Variants in MIPOL1 observed in about 807,000 individuals in gnomAD.
MIPOL1 encodes mirror-image polydactyly 1, also known as mirror-image polydactyly gene 1 protein.
Under a neutral mutation model 60.9 loss-of-function variants are expected in MIPOL1, and 57 were observed. The ratio of observed to expected loss-of-function variants is 0.94; its 90% confidence interval spans 0.76 to 1.17. The LOEUF is 1.17. Ranked by LOEUF, MIPOL1 falls within the 50% of genes most tolerant of loss-of-function variation. MIPOL1 has a pLI of 0.00. For synonymous variants in MIPOL1, 179 were observed against 168.8 expected, an observed-to-expected ratio of 1.06 and a Z score of -0.47; for missense variants, 551 against 511.6, an observed-to-expected ratio of 1.08 and a Z score of -0.74.
chr14:37,211,186 AC>A (rs979409893), intron 1 of MIPOL1, among the ~76,000 whole-genome samples: 1 of 62,696 alleles, frequency 1.6e-5, no homozygotes, highest in African/African-American at 6.2e-5. Context: ...TCCACTGCCC[AC>A]CCCCCCACCC....
At chr14:37,326,759 G>T (rs1425524628) in intron 9 of MIPOL1, among the ~76,000 whole-genome samples, 3 of 152,160 alleles carry the variant, frequency 2.0e-5, no homozygotes, top group African/African-American at 7.2e-5. Flanking sequence ...GGGGAAACAG[G>T]CTGACTGGTA....
intron 9 of MIPOL1, among the ~76,000 whole-genome samples, chr14:37,357,189 T>C (rs898313632): frequency 6.6e-6 from 1 of 152,206 alleles, no homozygotes; most frequent in Non-Finnish European, 1.5e-5. Flanking sequence ...TCCAAAATTT[T>C]CTCCATAGTG....
rs200288202 is a variant in MIPOL1 at position 37,337,349 on chromosome 14, TATATATA to T, written c.828+28831_828+28837del. The stretch of plus-strand genomic sequence containing the variant: ...AAACATATATATATATATATATATA[TATATATA>T]TTTTTTTTTTTTTTTTTTTTTTTTT... On this transcript the variant is annotated intron_variant, in intron 9 of 12. Coordinates refer to ENST00000684589, the MANE Select transcript of MIPOL1 (RefSeq NM_001388067.1). 1.8e-3 allele frequency among the ~76,000 whole-genome samples: 73 copies of T among 39,610 alleles called. 4 individuals carry two copies. Among genetic ancestry groups the T allele is most frequent in the Admixed American group, 2.7e-3 (7 of 2,566 alleles). The allele number at this position is 39,610 out of a possible 152,430, so 26.0% of individuals were successfully genotyped here. A position where few individuals can be genotyped will look rare whatever the true frequency, so the allele number is the denominator to read the frequency against.
chr14:37,418,094 T>A (rs1664612529), intron 10 of MIPOL1, among the ~76,000 whole-genome samples: 1 of 152,214 alleles, frequency 6.6e-6, no homozygotes, highest in African/African-American at 2.4e-5. Flanking sequence ...TAACATCAGA[T>A]GTCTCTGTTC....
At chr14:37,423,672 C>G (rs2093914188) in intron 11 of MIPOL1, 1 of 151,998 alleles carries the variant, frequency 6.6e-6, no homozygotes, top group Non-Finnish European at 1.5e-5. Flanking sequence ...AAAAAATCCT[C>G]AAGTCTGAAA....
At position 37,527,758 on chromosome 14, in the gene MIPOL1, A is replaced by G. The variant is rs1325430909; in HGVS notation, c.1263-19147A>G. ...CCTTGACTTATGATGTTAGAAAAGAACAATAAAATAACATCTTTGTATACC... is the reference window on the plus strand; with the variant it reads ...CCTTGACTTATGATGTTAGAAAAGAGCAATAAAATAACATCTTTGTATACC... On this transcript the variant is annotated intron_variant, in intron 12 of 12. Transcript: ENST00000684589. 4.6e-5 allele frequency among the ~76,000 whole-genome samples: 7 copies of G among 152,256 alleles called. No individual in the cohort carries two copies. The South Asian group carries it at 1.2e-3, about 27-fold the overall frequency.
chr14:37,332,393 T>G (rs1316730491), intron 9 of MIPOL1, among the ~76,000 whole-genome samples: 1 of 152,212 alleles, frequency 6.6e-6, no homozygotes, highest in Non-Finnish European at 1.5e-5. Flanking sequence ...CATCCTTGCA[T>G]CCCTGAGATT....
At position 37,549,324 on chromosome 14, in the gene MIPOL1, TTGA is replaced by T. The variant is rs1363517777; in HGVS notation, c.*2358_*2360del. On this transcript the variant is annotated 3_prime_UTR_variant, in exon 13 of 13. Transcript: ENST00000684589. The stretch of plus-strand genomic sequence containing the variant: ...ATGCTAATACTAACATTTGTAGCAC[TTGA>T]TGATTTACAAAGTCCTTTTACATCT... 2 of 151,922 alleles carry T rather than the reference TTGA, an allele frequency of 1.3e-5. No individual in the cohort carries two copies. Among genetic ancestry groups the T allele is most frequent in the African/African-American group, 4.8e-5 (2 of 41,428 alleles). The allele number at this position is 151,922 out of a possible 1,614,324, so 9.4% of individuals were successfully genotyped here.
chr14:37,206,138 T>G (rs1244590793), intron 1 of MIPOL1, among the ~76,000 whole-genome samples: 1 of 152,134 alleles, frequency 6.6e-6, no homozygotes, highest in Non-Finnish European at 1.5e-5. Context: ...GAGGTCTTCA[T>G]GGCAGCCCCT....
intron 3 of MIPOL1, among the ~76,000 whole-genome samples, chr14:37,264,474 T>A: frequency 6.7e-6 from 1 of 149,458 alleles, no homozygotes; most frequent in South Asian, 2.1e-4. Flanking sequence ...AAAAAAAAAA[T>A]TAGTGAGGCA....
intron 10 of MIPOL1, among the ~76,000 whole-genome samples, chr14:37,395,394 T>C (rs1320369344): frequency 6.6e-6 from 1 of 152,180 alleles, no homozygotes; most frequent in African/African-American, 2.4e-5. Context: ...TGGGATGTGT[T>C]TTCATTTGTT....
chr14:37,548,398 A>G lies in MIPOL1; in HGVS notation c.*1427A>G, dbSNP rs1218947746. The G allele has an allele frequency of 6.6e-6, 1 of 152,034 alleles. No individual in the cohort carries two copies. The highest frequency in any genetic ancestry group is 2.4e-5 in the African/African-American group (1 of 41,452). 9.4% of individuals were successfully genotyped at this position (152,034 alleles called of 1,614,324 possible). A position where few individuals can be genotyped will look rare whatever the true frequency, so the allele number is the denominator to read the frequency against. Reference sequence around the variant, plus strand: ...TTTCTTCCTTATTAAATCTGTATCCATTAAAGTAACTTTTTTAACTATGAG... The same window carrying G: ...TTTCTTCCTTATTAAATCTGTATCCGTTAAAGTAACTTTTTTAACTATGAG... On this transcript the variant is annotated 3_prime_UTR_variant, in exon 13 of 13. Transcript: ENST00000684589.
Position 37,274,585 on chromosome 14 carries a change from G to T in MIPOL1, c.493+4060G>T, listed in dbSNP as rs538295682. Among the ~76,000 whole-genome samples, 9 of 151,310 alleles carry T rather than the reference G, an allele frequency of 5.9e-5. No individual in the cohort carries two copies. In the South Asian group the frequency reaches 1.0e-3, roughly 17 times the overall value. On this transcript the variant is annotated intron_variant, in intron 6 of 12. Coordinates refer to ENST00000684589, the MANE Select transcript of MIPOL1 (RefSeq NM_001388067.1). ...GATTTGGGATCTCAGGCATTTTTTT[G>T]CCTGGTATTACTTCTCAATCATAAT...
Position 37,500,015 on chromosome 14 carries a change from C to G in MIPOL1, c.1139C>G (p.Thr380Ser), listed in dbSNP as rs374466218. ...AACAGAGAGAACATTGTTTCCATCA[C>G]TCAACAACAAAATGAGGAACTGGCT... The part of the protein sequence containing the change: ...LKNRENIVSI[T>S]QQQNEELATQ... Residue 380 changes from threonine (T) to serine (S), a missense_variant, in exon 12 of 13, where the codon ACT becomes AGT. Thr to Ser is a moderately conservative substitution (Grantham distance 58). Transcript: ENST00000684589. The G allele has an allele frequency of 6.2e-7, 1 of 1,613,662 alleles. No homozygotes were observed. The highest frequency in any genetic ancestry group is 8.5e-7 in the Non-Finnish European group (1 of 1,179,656).
intron 12 of MIPOL1, among the ~76,000 whole-genome samples, chr14:37,514,886 G>A (rs2415404): frequency 0.78 from 118,571 of 152,134 alleles, 46,695 homozygotes; most frequent in African/African-American, 0.89. Flanking sequence ...AAATAGACAC[G>A]TAGGTATACT....
At chr14:37,290,136 T>C (rs2084929453) in intron 7 of MIPOL1, among the ~76,000 whole-genome samples, 1 of 152,214 alleles carries the variant, frequency 6.6e-6, no homozygotes, top group Admixed American at 6.5e-5. Context: ...TTCTAAACAT[T>C]GTAAAAATGT....
chr14:37,367,422 T>A (rs2092508195), intron 9 of MIPOL1, among the ~76,000 whole-genome samples: 1 of 152,180 alleles, frequency 6.6e-6, no homozygotes, highest in South Asian at 2.1e-4. Flanking sequence ...AATGAGTGAA[T>A]TTTTTATGTT....
At chr14:37,504,048 A>G (rs558047357) in intron 12 of MIPOL1, 17 of 152,308 alleles carry the variant, frequency 1.1e-4, no homozygotes, top group African/African-American at 3.8e-4. Context: ...TTCAACAAGA[A>G]GAGCTAACTA....
intron 6 of MIPOL1, among the ~76,000 whole-genome samples, chr14:37,275,669 A>G (rs1022499172): frequency 6.6e-6 from 1 of 151,024 alleles, no homozygotes; most frequent in Non-Finnish European, 1.5e-5. Context: ...ATGATGCTTG[A>G]ATTTTACGTA....
Sources: gnomAD v4.1 joint callset for allele counts (sites outside exome capture counted in the v4.1 genomes callset) on GRCh38, gnomAD v4.1.1 for gene constraint, MANE v1.5 for transcripts, NCBI Gene and HGNC (gene_info 2026-07-23, HGNC 2026-07-21) for gene names.